Variants in CASD1 observed in about 807,000 individuals in gnomAD.
CASD1 encodes CAS1 domain sialic acid O acetyltransferase 1, also known as N-acetylneuraminate (7)9-O-acetyltransferase.
CASD1 carries 41 observed loss-of-function variants against 100.0 expected under a neutral mutation model. That is an observed-to-expected ratio of 0.41 (90% confidence interval 0.32 to 0.53). The LOEUF is 0.53. CASD1 is among the 20% of genes least tolerant of loss of function. The probability of loss-of-function intolerance (pLI) is 0.25; values close to 1 mark genes in which losing one functional copy is unlikely to be tolerated. For missense variants in CASD1, 774 were observed against 948.7 expected, an observed-to-expected ratio of 0.82 and a Z score of 2.42; for synonymous variants, 321 against 315.6, an observed-to-expected ratio of 1.02 and a Z score of -0.18.
intron 1 of CASD1, 122 bp downstream of exon 1, chr7:94,510,339 G>A (rs1225766442): frequency 5.5e-5 from 41 of 746,400 alleles, no homozygotes; most frequent in Non-Finnish European, 4.5e-5. Flanking sequence ...GCCCGCGGGG[G>A]AGGCGGTTCC....
the CASD1 span, chr7:94,617,904 A>G: frequency 6.6e-6 from 1 of 152,202 alleles, no homozygotes. Flanking sequence ...CCTGTATAAA[A>G]GTGTTTCCAG....
chr7:94,623,309 A>G, the CASD1 span: 2 of 1,469,406 alleles, frequency 1.4e-6, no homozygotes, highest in Non-Finnish European at 1.9e-6. Flanking sequence ...AATGATCAAC[A>G]TATTTTCATA....
the CASD1 span, among the ~76,000 whole-genome samples, chr7:94,569,943 A>G: frequency 6.6e-6 from 1 of 151,606 alleles, no homozygotes; most frequent in Non-Finnish European, 1.5e-5. Flanking sequence ...CCTCCCAAGT[A>G]GCTGGGACTA....
intron 1 of CASD1, among the ~76,000 whole-genome samples, chr7:94,516,589 T>G (rs1045326227): frequency 6.6e-6 from 1 of 152,110 alleles, no homozygotes; most frequent in African/African-American, 2.4e-5. Flanking sequence ...TTTTATTATA[T>G]CCCCATAGTT....
the CASD1 span, among the ~76,000 whole-genome samples, chr7:94,609,011 G>T: frequency 6.6e-6 from 1 of 152,128 alleles, no homozygotes; most frequent in Non-Finnish European, 1.5e-5. Context: ...ATTTGATGAT[G>T]ATTTTTTAGT....
At chr7:94,549,360 TTTGAAATAC>T (rs1468885362) in intron 13 of CASD1, among the ~76,000 whole-genome samples, 164 bp from the exon 14 acceptor site, 8 of 152,110 alleles carry the variant, frequency 5.3e-5, no homozygotes, top group African/African-American at 1.9e-4. Context: ...TAAAATTTCA[TTTGAAATAC>T]ATTTCAAATG....
chr7:94,618,845 T>A, the CASD1 span: 3 of 1,614,088 alleles, frequency 1.9e-6, no homozygotes, highest in Non-Finnish European at 2.5e-6. Flanking sequence ...GCGCTCTGGC[T>A]GCCACACATT....
At chr7:94,601,443 CAAAAAAAAAAAAAAAA>C in the CASD1 span, among the ~76,000 whole-genome samples, 37 of 89,334 alleles carry the variant, frequency 4.1e-4, 1 homozygote, top group South Asian at 8.7e-3. Context: ...ATCCCAGTAT[CAAAAAAAAAAAAAAAA>C]AAAAAAAAAA....
intron 9 of CASD1, among the ~76,000 whole-genome samples, chr7:94,538,699 A>C (rs1044457557): frequency 6.6e-6 from 1 of 152,152 alleles, no homozygotes; most frequent in African/African-American, 2.4e-5. Context: ...ATACATTGTC[A>C]TTTAATACAA....
In CASD1 at chr7:94,510,144, G is replaced by C; in HGVS notation, c.60G>C (p.Arg20Ser). The change falls in exon 1 of 18, where the codon AGG becomes AGC. Residue 20 changes from arginine (R) to serine (S), a missense_variant. Physicochemically the swap from Arg to Ser is moderately radical, Grantham distance 110. Coordinates refer to ENST00000297273, the MANE Select transcript of CASD1 (RefSeq NM_022900.5). Reference sequence around the variant, plus strand: ...AGATCAACCACTACTTCAGCGTGAGGAGCGCCAAGGTGCTGGCGCTGGTGG... The same window carrying C: ...AGATCAACCACTACTTCAGCGTGAGCAGCGCCAAGGTGCTGGCGCTGGTGG... ...KREINHYFSV[R>S]SAKVLALVAV... 1 of 1,529,714 alleles carries C rather than the reference G, an allele frequency of 6.5e-7. No individual in the cohort carries two copies. Among genetic ancestry groups the C allele is most frequent in the Non-Finnish European group, 8.8e-7 (1 of 1,137,156 alleles). The allele number at this position is 1,529,714 out of a possible 1,614,324, so 94.8% of individuals were successfully genotyped here.
the CASD1 span, among the ~76,000 whole-genome samples, chr7:94,565,896 G>T: frequency 6.6e-6 from 1 of 152,208 alleles, no homozygotes; most frequent in Non-Finnish European, 1.5e-5. Context: ...GGGGTAGTCA[G>T]AGAATTGGGT....
rs1410185986 is a variant in CASD1 at position 94,551,428 on chromosome 7, T to C, written c.1906T>C (p.Ser636Pro). The C allele has an allele frequency of 1.3e-6, 2 of 1,537,752 alleles. No homozygotes were observed. The highest frequency in any genetic ancestry group is 1.4e-5 in the African/African-American group (1 of 70,416). ...TGAAGGAAAGGGTGAACCTCTTTTT[T>C]CAAACAAAATTTCAAATTTTCTGTT... is the stretch of plus-strand genomic sequence containing the variant. ...LSEGKGEPLF[S>P]NKISNFLLFI... Residue 636 changes from serine to proline, a missense_variant, in exon 15 of 18, where the codon TCA becomes CCA. Ser to Pro is a moderately conservative substitution (Grantham distance 74, BLOSUM62 -1). Transcript: ENST00000297273.
At chr7:94,510,526 G>A (rs34042908) in intron 1 of CASD1, among the ~76,000 whole-genome samples, 78,279 of 152,140 alleles carry the variant, frequency 0.51, 21,285 homozygotes, top group South Asian at 0.73. Context: ...TGAGCGGTCT[G>A]GGTTCGGGGA....
intron 1 of CASD1, among the ~76,000 whole-genome samples, chr7:94,515,361 CTG>C (rs1793924710): frequency 1.3e-5 from 2 of 151,386 alleles, no homozygotes; most frequent in African/African-American, 4.8e-5. Flanking sequence ...TCTCTAAAAA[CTG>C]TGTTTGTAAT....
In CASD1 at chr7:94,537,848, T is replaced by C. The variant is rs781310712; in HGVS notation, c.1220T>C (p.Ile407Thr). Residue 407 changes from isoleucine to threonine, a missense_variant, in exon 9 of 18, where the codon ATC becomes ACC. By Grantham distance (89) the Ile-to-Thr change is moderately conservative (BLOSUM62 -1). Transcript: ENST00000297273. ...CATTCATCTTTCTTTATTCCAATTA[T>C]CTACATTTTGGTTTTGGGAGTATTT... ...YTHSSFFIPIIYILVLGVFYN... is the reference protein window; with the variant it reads ...YTHSSFFIPITYILVLGVFYN... 16 of 1,579,520 alleles carry C rather than the reference T, an allele frequency of 1.0e-5. No individual in the cohort carries two copies. In the East Asian group the frequency reaches 1.3e-4, roughly 13 times the overall value.
the CASD1 span, chr7:94,628,374 G>T: frequency 6.3e-7 from 1 of 1,582,014 alleles, no homozygotes; most frequent in South Asian, 1.1e-5. Flanking sequence ...ATAAGAAACA[G>T]AGAATTAAGA....
chr7:94,587,054 T>G, the CASD1 span: 1 of 984,996 alleles, frequency 1.0e-6, no homozygotes, highest in Non-Finnish European at 1.2e-6. Flanking sequence ...AGCAAAGCTT[T>G]CTTGACTCAA....
the CASD1 span, among the ~76,000 whole-genome samples, chr7:94,583,437 A>G: frequency 6.6e-6 from 1 of 152,040 alleles, no homozygotes. Context: ...TACTAAGGTC[A>G]ATGTTTAAAA....
Position 94,555,715 on chromosome 7 carries a change from G to T in CASD1, c.2351G>T (p.Gly784Val). 3.7e-6 allele frequency: 6 copies of T among 1,612,922 alleles called. No individual in the cohort carries two copies. Among genetic ancestry groups the T allele is most frequent in the Non-Finnish European group, 3.4e-6 (4 of 1,179,446 alleles). ...GCATGTATAGCTGCATTTTTTTGTG[G>T]ACTCCTCATCTTATCATCCATTCAA... ...RLACIAAFFC[G>V]LLILSSIQDK... Residue 784 changes from glycine to valine, a missense_variant, in exon 18 of 18, where the codon GGA (glycine) becomes GTA (valine). Physicochemically the swap from Gly to Val is moderately radical, Grantham distance 109. This residue lies in a region of CASD1 where 175 missense variants were observed against 206.9 expected (regional missense o/e 0.85). Coordinates refer to ENST00000297273, the MANE Select transcript of CASD1 (RefSeq NM_022900.5).
Sources: gnomAD v4.1 joint callset for allele counts (sites outside exome capture counted in the v4.1 genomes callset) on GRCh38, gnomAD v4.1.1 for gene constraint, gnomAD v4.1.1 regional missense constraint, MANE v1.5 for transcripts, NCBI Gene and HGNC (gene_info 2026-07-23, HGNC 2026-07-21) for gene names.